GALNTL6: variants seen among roughly 807,000 people sequenced by gnomAD.
GALNTL6 encodes the protein polypeptide N-acetylgalactosaminyltransferase like 6.
GALNTL6 carries 46 observed loss-of-function variants against 73.7 expected under a neutral mutation model. The ratio of observed to expected loss-of-function variants is 0.62; its 90% CI spans 0.49 to 0.80. The LOEUF (loss-of-function observed/expected upper bound fraction) is 0.80, where lower values mean the gene tolerates loss of function less well. Ranked by LOEUF, GALNTL6 falls within the 30% of genes least tolerant of loss-of-function variation. The pLI, the probability that GALNTL6 is intolerant of heterozygous loss-of-function variation, is 0.00. For synonymous variants in GALNTL6, 259 were observed against 263.7 expected, an observed-to-expected ratio of 0.98 and a Z score of 0.17; for missense variants, 604 against 755.0, an observed-to-expected ratio of 0.80 and a Z score of 2.34.
At chr4:171,939,524 A>G (rs1738458196) in intron 2 of GALNTL6, among the ~76,000 whole-genome samples, 1 of 152,000 alleles carries the variant, frequency 6.6e-6, no homozygotes, top group Non-Finnish European at 1.5e-5. Context: ...ACAGACACAG[A>G]ATGTATTTTC....
At chr4:172,017,972 T>C (rs552721890) in intron 2 of GALNTL6, among the ~76,000 whole-genome samples, 1 of 152,272 alleles carries the variant, frequency 6.6e-6, no homozygotes, top group Admixed American at 6.5e-5. Context: ...ATATGTTCAC[T>C]GTGCTGACTT....
chr4:171,974,985 T>C (rs332965), intron 2 of GALNTL6, among the ~76,000 whole-genome samples: 67,385 of 151,918 alleles, frequency 0.44, 15,271 homozygotes, highest in East Asian at 0.6. Flanking sequence ...TATAATATCA[T>C]CTGAGTCTAT....
Position 172,337,448 on chromosome 4 carries a change from A to G in GALNTL6, c.387-11075A>G, listed in dbSNP as rs541941839. On this transcript the variant is annotated intron_variant, in intron 4 of 12. Transcript: ENST00000506823. ...TTTTGTTTCTATGTTAAGAACTCCT[A>G]TATGGATCTTTTATAAGGTTGGTCT... Among the ~76,000 whole-genome samples the G allele has an allele frequency of 6.6e-5, 10 of 152,240 alleles. No individual in the cohort carries two copies. The East Asian group carries it at 1.5e-3, about 23-fold the overall frequency.
intron 2 of GALNTL6, among the ~76,000 whole-genome samples, chr4:171,857,902 ACCACAT>A (rs1360025351): frequency 6.6e-6 from 1 of 152,184 alleles, no homozygotes; most frequent in Non-Finnish European, 1.5e-5. Context: ...AATTTAGTGA[ACCACAT>A]CTGTGTCTTG....
intron 2 of GALNTL6, among the ~76,000 whole-genome samples, chr4:171,908,755 C>A (rs1253080906): frequency 2.0e-5 from 3 of 151,044 alleles, no homozygotes; most frequent in South Asian, 2.1e-4. Flanking sequence ...AAATGTCCAA[C>A]AACGATAGAC....
intron 2 of GALNTL6, among the ~76,000 whole-genome samples, chr4:171,849,830 C>T (rs1183094805): frequency 6.6e-6 from 1 of 152,186 alleles, no homozygotes; most frequent in Non-Finnish European, 1.5e-5. Context: ...GGGGCAGGAG[C>T]TTTATGCTAA....
intron 5 of GALNTL6, among the ~76,000 whole-genome samples, chr4:172,376,063 G>A (rs1743018814): frequency 1.3e-5 from 2 of 152,138 alleles, no homozygotes; most frequent in African/African-American, 4.8e-5. Context: ...TGTCTGAGGA[G>A]GGATCCTAAA....
chr4:171,934,111 A>G (rs1236897107), intron 2 of GALNTL6, among the ~76,000 whole-genome samples: 1 of 152,160 alleles, frequency 6.6e-6, no homozygotes, highest in Non-Finnish European at 1.5e-5. Flanking sequence ...TTTGGGATAA[A>G]TAGGCTAGTG....
intron 2 of GALNTL6, among the ~76,000 whole-genome samples, chr4:171,915,567 C>G (rs1737593663): frequency 6.6e-6 from 1 of 152,088 alleles, no homozygotes; most frequent in African/African-American, 2.4e-5. Flanking sequence ...TACTCAAGTG[C>G]TAGCAAATAA....
At chr4:173,035,420 C>T (rs545740346) in intron 12 of GALNTL6, among the ~76,000 whole-genome samples, 73 of 152,278 alleles carry the variant, frequency 4.8e-4, no homozygotes, top group Non-Finnish European at 7.6e-4. Flanking sequence ...TCAGGTGATC[C>T]GCCCGCCTTG....
chr4:172,238,695 G>A (rs1057154402), intron 3 of GALNTL6, among the ~76,000 whole-genome samples: 4 of 152,080 alleles, frequency 2.6e-5, no homozygotes, highest in African/African-American at 7.2e-5. Flanking sequence ...CAAGGGTGAT[G>A]CTTCCAGCTT....
At chr4:172,723,934 G>A (rs6822579) in intron 5 of GALNTL6, among the ~76,000 whole-genome samples, 116,655 of 151,978 alleles carry the variant, frequency 0.77, 45,908 homozygotes, top group Middle Eastern at 0.89. Flanking sequence ...CAGTGAACAC[G>A]AGAGATTTAT....
intron 2 of GALNTL6, among the ~76,000 whole-genome samples, chr4:171,924,154 A>C (rs1737897630): frequency 6.7e-6 from 1 of 148,864 alleles, no homozygotes; most frequent in African/African-American, 2.5e-5. Context: ...TAAACACATA[A>C]ATTGGTTAAA....
chr4:172,715,919 C>G (rs913736225), intron 5 of GALNTL6, among the ~76,000 whole-genome samples: 3 of 152,122 alleles, frequency 2.0e-5, no homozygotes, highest in African/African-American at 7.2e-5. Context: ...TGTTTAATGA[C>G]AAACTGAAGT....
intron 5 of GALNTL6, among the ~76,000 whole-genome samples, chr4:172,705,709 T>G (rs1207413360): frequency 2.6e-5 from 4 of 152,092 alleles, no homozygotes; most frequent in Non-Finnish European, 2.9e-5. Context: ...CAACTTTTGT[T>G]TGCCTTTGTG....
At chr4:172,788,586 G>A (rs1579483252) in intron 5 of GALNTL6, among the ~76,000 whole-genome samples, 1 of 149,902 alleles carries the variant, frequency 6.7e-6, no homozygotes, top group Non-Finnish European at 1.5e-5. Context: ...GCAGGAGAAT[G>A]CCGTGAAACC....
chr4:173,037,545 C>G (rs1002812508), intron 12 of GALNTL6, among the ~76,000 whole-genome samples: 2 of 152,084 alleles, frequency 1.3e-5, no homozygotes, highest in African/African-American at 4.8e-5. Context: ...AAAATATGAT[C>G]AGTTGATGGT....
At chr4:171,847,765 C>G (rs1735413450) in intron 2 of GALNTL6, among the ~76,000 whole-genome samples, 2 of 152,182 alleles carry the variant, frequency 1.3e-5, no homozygotes, top group South Asian at 4.1e-4. Flanking sequence ...ATTGCACCAA[C>G]TCAGTCACAT....
chr4:172,297,205 TG>T (rs1739713152), intron 3 of GALNTL6, among the ~76,000 whole-genome samples: 1 of 152,194 alleles, frequency 6.6e-6, no homozygotes, highest in African/African-American at 2.4e-5. Context: ...TTGATGGGGT[TG>T]TTTTTTTCTT....
Sources: gnomAD v4.1 joint callset for allele counts (sites outside exome capture counted in the v4.1 genomes callset) on GRCh38, gnomAD v4.1.1 for gene constraint, MANE v1.5 for transcripts, NCBI Gene and HGNC (gene_info 2026-07-23, HGNC 2026-07-21) for gene names.